SHCBP1: variants seen among roughly 807,000 people sequenced by gnomAD.
The protein encoded by SHCBP1 is SHC binding and spindle associated 1, also known as SHC SH2 domain-binding protein 1.
In SHCBP1, 60 loss-of-function variants were observed where a neutral mutation model predicts 75.1. That is an observed-to-expected ratio of 0.80 (90% CI 0.65 to 0.99). The LOEUF is 0.99. Ranked by LOEUF, SHCBP1 falls within the 50% of genes least tolerant of loss-of-function variation. The pLI is 0.00. For missense variants in SHCBP1, 709 were observed against 809.4 expected (o/e 0.88, Z 1.50); for synonymous variants, 290 against 293.2 (o/e 0.99, Z 0.11).
chr16:46,585,618 A>C (rs1413505195), intron 10 of SHCBP1, among the ~76,000 whole-genome samples: 1 of 152,220 alleles, frequency 6.6e-6, no homozygotes, highest in Admixed American at 6.5e-5. Flanking sequence ...CCACAGAGCC[A>C]GGACTTTCAT....
chr16:46,602,866 A>G (rs1033360957), intron 8 of SHCBP1, among the ~76,000 whole-genome samples: 1 of 152,318 alleles, frequency 6.6e-6, no homozygotes, highest in Non-Finnish European at 1.5e-5. Context: ...CCTGGCCTCA[A>G]GTGATCTGCC....
chr16:46,581,952 C>T lies in SHCBP1; in HGVS notation c.1796G>A (p.Cys599Tyr). ...TTGCTCAGAAGGGTCAGTTCTTGCA[C>T]AAAGCTCCATTTTACCAGTTGCACA... ...IECATGKMELCARTDPSEQVE... is the reference protein window; with the variant it reads ...IECATGKMELYARTDPSEQVE... The change falls in exon 13 of 13, where the codon TGT (cysteine) becomes TAT (tyrosine). Residue 599 changes from cysteine to tyrosine, a missense_variant. Cys to Tyr is a radical substitution (Grantham distance 194, BLOSUM62 -2). Coordinates refer to ENST00000303383, the MANE Select transcript of SHCBP1 (RefSeq NM_024745.5). 2 of 1,614,194 alleles carry T rather than the reference C, an allele frequency of 1.2e-6. No individual in the cohort carries two copies. Among genetic ancestry groups the T allele is most frequent in the Non-Finnish European group, 1.7e-6 (2 of 1,180,036 alleles).
intron 9 of SHCBP1, among the ~76,000 whole-genome samples, chr16:46,598,855 C>G (rs1438971848): frequency 6.6e-6 from 1 of 152,240 alleles, no homozygotes; most frequent in Non-Finnish European, 1.5e-5. Context: ...GGTTAACTTT[C>G]TGTAGCTTGC....
chr16:46,618,970 TC>T (rs557538373), intron 1 of SHCBP1, among the ~76,000 whole-genome samples: 21 of 152,348 alleles, frequency 1.4e-4, no homozygotes, highest in African/African-American at 3.8e-4. Flanking sequence ...GGAGCTGACT[TC>T]CTCTCAGATG....
chr16:46,604,583 G>A, intron 5 of SHCBP1, 122 bp from the exon 6 acceptor site: 1 of 660,734 alleles, frequency 1.5e-6, no homozygotes, highest in Admixed American at 2.7e-5. Context: ...TCAGGTGCAT[G>A]TTAAGTCTTT....
In SHCBP1 at chr16:46,583,595, A is replaced by T; in HGVS notation, c.1614T>A (p.Asn538Lys). Residue 538 changes from asparagine (N) to lysine (K), a missense_variant, in exon 12 of 13, where the codon AAT becomes AAA. Transcript: ENST00000303383. ...CCAAGACAACACCATAACCTTCATT[A>T]TTATGTATTATATTATTCACCATGG... Reference protein sequence around the residue: ...KISMVNNIIHNNEGYGVVLVK... With the variant: ...KISMVNNIIHKNEGYGVVLVK... 6.2e-7 allele frequency: 1 copy of T among 1,611,010 alleles called. No homozygotes were observed. The highest frequency in any genetic ancestry group is 8.5e-7 in the Non-Finnish European group (1 of 1,179,082).
intron 5 of SHCBP1, among the ~76,000 whole-genome samples, chr16:46,607,585 A>G (rs753727912): frequency 1.3e-5 from 2 of 152,174 alleles, no homozygotes; most frequent in African/African-American, 2.4e-5. Context: ...GAAAAAAATC[A>G]TCTTTCACCC....
intron 10 of SHCBP1, chr16:46,584,307 A>G: frequency 5.8e-6 from 1 of 172,804 alleles, no homozygotes. Context: ...AACCACACAC[A>G]CACACACACA....
chr16:46,599,828 T>C lies in SHCBP1; in HGVS notation c.1345+3A>G, dbSNP rs1965203973. ...ATGATATACCAAACATTCAGATACT[T>C]ACTTAAGATTCCCTCTACAGCATCA... On this transcript the variant is annotated splice_donor_region_variant and intron_variant, in intron 9 of 12. Coordinates refer to ENST00000303383, the MANE Select transcript of SHCBP1 (RefSeq NM_024745.5). 2 of 1,598,424 alleles carry C rather than the reference T, an allele frequency of 1.3e-6. No individual in the cohort carries two copies. Among genetic ancestry groups the C allele is most frequent in the Admixed American group, 1.8e-5 (1 of 55,608 alleles).
At chr16:46,584,462 T>C (rs887665483) in intron 10 of SHCBP1, among the ~76,000 whole-genome samples, 4 of 152,154 alleles carry the variant, frequency 2.6e-5, no homozygotes, top group Non-Finnish European at 4.4e-5. Flanking sequence ...AAATGACCAT[T>C]CTCTCAGATA....
In SHCBP1 at chr16:46,581,692, A is replaced by C; in HGVS notation, c.*37T>G. The C allele has an allele frequency of 6.4e-7, 1 of 1,564,686 alleles. No individual in the cohort carries two copies. Among genetic ancestry groups the C allele is most frequent in the Non-Finnish European group, 8.7e-7 (1 of 1,147,372 alleles). On this transcript the variant is annotated 3_prime_UTR_variant, in exon 13 of 13. Transcript: ENST00000303383. ...AGTGATTCTTAGGGCAGCATGTGCA[A>C]AATCCAGTATTTTGCTATCTACTTA...
At position 46,604,287 on chromosome 16, in the gene SHCBP1, C is replaced by A; in HGVS notation, c.864G>T (p.Leu288Phe). 2 of 1,614,178 alleles carry A rather than the reference C, an allele frequency of 1.2e-6. No individual in the cohort carries two copies. The highest frequency in any genetic ancestry group is 1.7e-6 in the Non-Finnish European group (2 of 1,180,022). ...ENISMVEGLKLYSEMEQLKQK... is the reference protein window; with the variant it reads ...ENISMVEGLKFYSEMEQLKQK... ...GTTTCAACTGTTCCATCTCCGAATA[C>A]AATTTTAACCCTTCCACCATGGAGA... is the stretch of plus-strand genomic sequence containing the variant. The change falls in exon 6 of 13, where the codon TTG becomes TTT. Residue 288 changes from leucine (L) to phenylalanine (F), a missense_variant. Leu to Phe is a conservative substitution (Grantham distance 22, BLOSUM62 0). Transcript: ENST00000303383.
In SHCBP1 at chr16:46,578,642, AGAG is replaced by A. The variant is rs988718849; in HGVS notation, c.*3084_*3086del. ...TCTATTAATAGTGAGAACTAAAAAA[AGAG>A]GAGAATGTTCACCACATATAAGACT... On this transcript the variant is annotated 3_prime_UTR_variant, in exon 13 of 13. Transcript: ENST00000303383. Among the ~76,000 whole-genome samples, 22 of 152,190 alleles carry A rather than the reference AGAG, an allele frequency of 1.4e-4. No individual in the cohort carries two copies. Among genetic ancestry groups the A allele is most frequent in the South Asian group, 4.1e-4 (2 of 4,834 alleles).
intron 9 of SHCBP1, among the ~76,000 whole-genome samples, chr16:46,596,341 A>G (rs1965141408): frequency 6.6e-6 from 1 of 151,962 alleles, no homozygotes; most frequent in Non-Finnish European, 1.5e-5. Flanking sequence ...ACCCGTCTCT[A>G]CTAAAAAACA....
At chr16:46,617,834 C>A (rs1372335482) in intron 2 of SHCBP1, 85 bp from the exon 3 acceptor site, 1 of 1,026,802 alleles carries the variant, frequency 9.7e-7, no homozygotes, top group Non-Finnish European at 1.5e-6. Flanking sequence ...AAACAACTGG[C>A]AATCTGAGGG....
Position 46,618,329 on chromosome 16 carries a change from A to C in SHCBP1, c.147T>G (p.Arg49=). ...DEDSCSDCSY[R]DKPGSSLQSF... is the part of the protein sequence containing the mutation. ...TTTGTAAACTAGAACCTGGTTTATC[A>C]CGGTAGCTACAATCACTGCATGAAT... The change falls in exon 2 of 13, where the codon CGT becomes CGG. Residue 49 remains arginine (R), a synonymous_variant. Transcript: ENST00000303383. 1 of 1,612,698 alleles carries C rather than the reference A, an allele frequency of 6.2e-7. No homozygotes were observed.
At chr16:46,603,695 C>A in intron 7 of SHCBP1, 36 bp from the exon 8 acceptor site, 1 of 1,610,890 alleles carries the variant, frequency 6.2e-7, no homozygotes, top group South Asian at 1.1e-5. Context: ...TAAATATACA[C>A]TCCCAAAAAA....
intron 10 of SHCBP1, among the ~76,000 whole-genome samples, chr16:46,591,766 C>T (rs562278889): frequency 5.3e-5 from 8 of 151,874 alleles, no homozygotes; most frequent in African/African-American, 9.7e-5. Context: ...ATAAAAGAAA[C>T]CTCTAGAAAT....
intron 10 of SHCBP1, among the ~76,000 whole-genome samples, chr16:46,584,933 T>G (rs933113342): frequency 6.6e-6 from 1 of 152,196 alleles, no homozygotes; most frequent in African/African-American, 2.4e-5. Flanking sequence ...GCAGTAGTAT[T>G]CCATGAGAAA....
Sources: gnomAD v4.1 joint callset for allele counts (sites outside exome capture counted in the v4.1 genomes callset) on GRCh38, gnomAD v4.1.1 for gene constraint, MANE v1.5 for transcripts, NCBI Gene and HGNC (gene_info 2026-07-23, HGNC 2026-07-21) for gene names.